Variants in SDK1 observed in about 807,000 individuals in gnomAD.
SDK1 encodes the protein sidekick cell adhesion molecule 1.
Under a neutral mutation model 245.5 loss-of-function variants are expected in SDK1, and 157 were observed. The observed-to-expected ratio is 0.64, with a 90% CI of 0.56 to 0.73. The LOEUF (loss-of-function observed/expected upper bound fraction) is 0.73. SDK1 is among the 30% of genes least tolerant of loss of function. The pLI is 0.00. For missense variants in SDK1, 3,583 were observed against 3,002.3 expected (o/e 1.19, Z -4.52); for synonymous variants, 1,647 against 1,278.5 (o/e 1.29, Z -6.15).
At chr7:3,673,255 T>C (rs750523790) in intron 4 of SDK1, among the ~76,000 whole-genome samples, 1 of 152,170 alleles carries the variant, frequency 6.6e-6, no homozygotes, top group Admixed American at 6.5e-5. Flanking sequence ...GAATGAAGCA[T>C]TGCAGGAACA....
chr7:4,020,209 G>C (rs543761398), intron 17 of SDK1, among the ~76,000 whole-genome samples: 22 of 152,136 alleles, frequency 1.4e-4, no homozygotes, highest in Non-Finnish European at 2.5e-4. Flanking sequence ...TTACTGGCCA[G>C]AGTGTTAGGA....
At chr7:4,243,392 A>G (rs1410832108) in intron 43 of SDK1, among the ~76,000 whole-genome samples, 6 of 152,248 alleles carry the variant, frequency 3.9e-5, no homozygotes, top group Admixed American at 3.9e-4. Context: ...TCACCTTTTC[A>G]GTCCTAGCAA....
rs1375841910 is a variant in SDK1 at position 3,979,031 on chromosome 7, A to C, written c.1994+4486A>C. On this transcript the variant is annotated intron_variant, in intron 13 of 44. Transcript: ENST00000404826. ...GAGTGGAGGGGCGGCCCCCACACCC[A>C]CATCACACCCACAGCAGTCCTGATG... Among the ~76,000 whole-genome samples the C allele has an allele frequency of 1.3e-5, 2 of 152,316 alleles. 1 individual carries two copies. The highest frequency in any genetic ancestry group is 4.1e-4 in the South Asian group (2 of 4,828).
At chr7:3,532,020 A>C (rs1328010208) in intron 1 of SDK1, among the ~76,000 whole-genome samples, 1 of 152,216 alleles carries the variant, frequency 6.6e-6, no homozygotes, top group Non-Finnish European at 1.5e-5. Context: ...CAGGTAACTG[A>C]ATCTTAAACT....
intron 35 of SDK1, among the ~76,000 whole-genome samples, chr7:4,184,923 C>T (rs2128221011): frequency 6.6e-6 from 1 of 152,310 alleles, no homozygotes; most frequent in East Asian, 1.9e-4. Context: ...TGGTCAGGCT[C>T]TTCATCAAGG....
chr7:3,872,180 T>G (rs905428213), intron 5 of SDK1, among the ~76,000 whole-genome samples: 1 of 152,226 alleles, frequency 6.6e-6, no homozygotes, highest in African/African-American at 2.4e-5. Context: ...TTTTATATAT[T>G]TCTGGATTCA....
chr7:3,346,961 G>T (rs1469468064), intron 1 of SDK1, among the ~76,000 whole-genome samples: 2 of 147,858 alleles, frequency 1.4e-5, no homozygotes, highest in Non-Finnish European at 3.0e-5. Context: ...ATGAGCTACT[G>T]CACCCAGCCC....
At chr7:3,967,711 A>G (rs1782186175) in intron 10 of SDK1, among the ~76,000 whole-genome samples, 1 of 152,128 alleles carries the variant, frequency 6.6e-6, no homozygotes, top group African/African-American at 2.4e-5. Context: ...TGCAGCCTAG[A>G]TCCTTGGCAT....
At chr7:3,883,915 T>C (rs553409348) in intron 5 of SDK1, among the ~76,000 whole-genome samples, 91 of 152,246 alleles carry the variant, frequency 6.0e-4, no homozygotes, top group African/African-American at 2.1e-3. Flanking sequence ...AAAACATCAA[T>C]ACGATGAAGT....
chr7:3,697,604 T>A (rs1003701828), intron 4 of SDK1, among the ~76,000 whole-genome samples: 2 of 152,192 alleles, frequency 1.3e-5, no homozygotes, highest in African/African-American at 4.8e-5. Flanking sequence ...TCTTTGACCA[T>A]CTTCATCCCC....
At chr7:3,740,531 G>T (rs1779449130) in intron 4 of SDK1, among the ~76,000 whole-genome samples, 1 of 152,142 alleles carries the variant, frequency 6.6e-6, no homozygotes, top group Admixed American at 6.5e-5. Context: ...GCCTAAGAAT[G>T]GAGCTTTTGA....
At chr7:3,431,674 A>G (rs1195623919) in intron 1 of SDK1, among the ~76,000 whole-genome samples, 1 of 152,150 alleles carries the variant, frequency 6.6e-6, no homozygotes, top group Non-Finnish European at 1.5e-5. Flanking sequence ...AGCCTGGTGG[A>G]CTAAGGGAGG....
rs150777511 is a variant in SDK1 at position 3,543,842 on chromosome 7, T to A, written c.299-75238T>A. Among the ~76,000 whole-genome samples, 909 of 152,336 alleles carry A rather than the reference T, an allele frequency of 6.0e-3. 5 individuals are homozygous for A. The highest frequency in any genetic ancestry group is 0.018 in the South Asian group (88 of 4,832). Reference sequence around the variant, plus strand: ...GAGTATGTAATGAATATTAACTTCTTAGTGACTTCAGAAGACCCATTTATT... The same window carrying A: ...GAGTATGTAATGAATATTAACTTCTAAGTGACTTCAGAAGACCCATTTATT... On this transcript the variant is annotated intron_variant, in intron 1 of 44. Transcript: ENST00000404826.
chr7:3,630,117 G>A (rs1282139994), intron 2 of SDK1, among the ~76,000 whole-genome samples: 1 of 152,052 alleles, frequency 6.6e-6, no homozygotes, highest in African/African-American at 2.4e-5. Context: ...ATAATGAAAA[G>A]GGCACAAATG....
At chr7:3,958,303 A>C (rs1375799529) in intron 7 of SDK1, 1 of 280,788 alleles carries the variant, frequency 3.6e-6, no homozygotes, top group Non-Finnish European at 6.9e-6. Context: ...TCTCCAAGGA[A>C]ATTCATTGTT....
intron 22 of SDK1, among the ~76,000 whole-genome samples, chr7:4,091,462 C>T (rs553381657): frequency 6.6e-6 from 1 of 151,120 alleles, no homozygotes; most frequent in South Asian, 2.1e-4. Flanking sequence ...CATGCCTCAG[C>T]TTCCTGAGTA....
At chr7:3,518,402 A>G (rs1313777982) in intron 1 of SDK1, among the ~76,000 whole-genome samples, 1 of 152,096 alleles carries the variant, frequency 6.6e-6, no homozygotes, top group Admixed American at 6.6e-5. Context: ...AAGACAACCT[A>G]CAGAATGGGA....
At chr7:4,029,735 G>A (rs1379253330) in intron 17 of SDK1, among the ~76,000 whole-genome samples, 1 of 152,132 alleles carries the variant, frequency 6.6e-6, no homozygotes, top group Admixed American at 6.5e-5. Flanking sequence ...CTTCTCCTGG[G>A]CAGTACCGTC....
At position 3,623,435 on chromosome 7, in the gene SDK1, T is replaced by A. The variant is rs571601615; in HGVS notation, c.458+4196T>A. Among the ~76,000 whole-genome samples the A allele has an allele frequency of 1.4e-3, 213 of 152,106 alleles. 2 individuals carry two copies. The highest frequency in any genetic ancestry group is 4.9e-3 in the African/African-American group (203 of 41,494). On this transcript the variant is annotated intron_variant, in intron 2 of 44. Coordinates refer to ENST00000404826, the MANE Select transcript of SDK1 (RefSeq NM_152744.4). ...TTTTTATTATTAGTAGAGAAGGGGT[T>A]TCACCATGATGGCCAGGCTGGTCTC...
Sources: gnomAD v4.1 joint callset for allele counts (sites outside exome capture counted in the v4.1 genomes callset) on GRCh38, gnomAD v4.1.1 for gene constraint, MANE v1.5 for transcripts, NCBI Gene and HGNC (gene_info 2026-07-23, HGNC 2026-07-21) for gene names.